Variants in TENM2 observed in about 807,000 individuals in gnomAD.
The protein encoded by TENM2 is teneurin transmembrane protein 2.
TENM2 carries 52 observed loss-of-function variants against 245.2 expected under a neutral mutation model. That is an observed-to-expected ratio of 0.21 (90% CI 0.17 to 0.27). The LOEUF (loss-of-function observed/expected upper bound fraction) is 0.27, where lower values mean the gene tolerates loss of function less well. TENM2 is among the 10% of genes least tolerant of loss of function. The pLI is 1.00. For missense variants in TENM2, 3,046 were observed against 3,666.8 expected (o/e 0.83, Z 4.37); for synonymous variants, 1,363 against 1,438.9 (o/e 0.95, Z 1.19).
rs182270018 is a variant in TENM2, at chr5:168,097,964, G to A, written c.1712-62G>A. On this transcript the variant is annotated intron_variant, in intron 8 of 28. Coordinates refer to ENST00000518659, the Ensembl canonical transcript of TENM2. ...TCTTTAAAAGTGGCAAGTTACTGAC[G>A]GTTAAATTACTGCACCAGTAGACAG... is the stretch of plus-strand genomic sequence containing the variant. 133 of 1,291,162 alleles carry A rather than the reference G, an allele frequency of 1.0e-4. 1 individual carries two copies. The highest frequency in any genetic ancestry group is 5.4e-4 in the Admixed American group (28 of 51,830). The allele number at this position is 1,291,162 out of a possible 1,614,324, so 80.0% of individuals were successfully genotyped here. A position where few individuals can be genotyped will look rare whatever the true frequency, so the allele number is the denominator to read the frequency against.
At chr5:167,120,414 T>C in the TENM2 span, among the ~76,000 whole-genome samples, 1 of 152,158 alleles carries the variant, frequency 6.6e-6, no homozygotes, top group African/African-American at 2.4e-5. Flanking sequence ...GGAATTAATA[T>C]GGAAATTCTT....
At chr5:167,544,701 T>G (rs1772439327) in intron 2 of TENM2, among the ~76,000 whole-genome samples, 1 of 152,228 alleles carries the variant, frequency 6.6e-6, no homozygotes, top group Non-Finnish European at 1.5e-5. Flanking sequence ...AAATGTGTAC[T>G]GGGTGCCCCT....
At chr5:167,934,423 C>T (rs1242699390) in intron 3 of TENM2, among the ~76,000 whole-genome samples, 1 of 152,154 alleles carries the variant, frequency 6.6e-6, no homozygotes, top group Non-Finnish European at 1.5e-5. Context: ...GTTTTGGCTT[C>T]AGACCATACC....
the TENM2 span, among the ~76,000 whole-genome samples, chr5:167,196,534 G>GTGTGTA: frequency 0.015 from 2,244 of 146,168 alleles, 96 homozygotes; most frequent in African/African-American, 0.056. Flanking sequence ...ATATGTGTGT[G>GTGTGTA]TACATATATG....
At chr5:168,238,221 G>GAGAAGAAAAGAAAAGAGAAAAGAA (rs1765718798) in intron 25 of TENM2, among the ~76,000 whole-genome samples, 2 of 24,368 alleles carry the variant, frequency 8.2e-5, no homozygotes, top group Non-Finnish European at 1.6e-4. Flanking sequence ...GAGGGAGAGA[G>GAGAAGAAAAGAAAAGAGAAAAGAA]AAGAAAAGAA....
chr5:167,834,755 T>C (rs544085632), intron 2 of TENM2, among the ~76,000 whole-genome samples: 3 of 151,100 alleles, frequency 2.0e-5, no homozygotes, highest in African/African-American at 7.3e-5. Context: ...GTTCATGCCA[T>C]TCTCCTGCCT....
intron 13 of TENM2, among the ~76,000 whole-genome samples, chr5:168,173,028 T>A (rs1758989975): frequency 6.6e-6 from 1 of 152,124 alleles, no homozygotes; most frequent in Non-Finnish European, 1.5e-5. Context: ...ACCAAACCTT[T>A]CCAAGGTGAT....
intron 1 of TENM2, among the ~76,000 whole-genome samples, chr5:167,293,692 G>A (rs940385990): frequency 7.9e-5 from 12 of 152,140 alleles, no homozygotes. Flanking sequence ...TTAAGTGGAA[G>A]TACATAGATT....
chr5:168,262,551 A>T, exon 29 of TENM2: 1 of 1,558,802 alleles, frequency 6.4e-7, no homozygotes, highest in South Asian at 1.2e-5. Flanking sequence ...GACACCCTGG[A>T]CGAAGAGAAG....
intron 2 of TENM2, among the ~76,000 whole-genome samples, chr5:167,630,218 G>A (rs1440799973): frequency 6.0e-5 from 9 of 150,872 alleles, no homozygotes; most frequent in Non-Finnish European, 8.8e-5. Flanking sequence ...TGGCATATCC[G>A]AATTACCAGC....
chr5:167,312,841 C>A (rs997373018), intron 1 of TENM2, among the ~76,000 whole-genome samples: 1 of 151,362 alleles, frequency 6.6e-6, no homozygotes, highest in African/African-American at 2.4e-5. Flanking sequence ...CCTTCCAGAC[C>A]GGACCCTGGC....
exon 25 of TENM2, chr5:168,228,020 G>A: frequency 6.2e-7 from 1 of 1,613,798 alleles, no homozygotes; most frequent in Non-Finnish European, 8.5e-7. Context: ...CCCCACCATT[G>A]GACGCTGCAA....
chr5:167,896,261 G>T (rs1775211232), intron 3 of TENM2, among the ~76,000 whole-genome samples: 1 of 152,190 alleles, frequency 6.6e-6, no homozygotes, highest in Admixed American at 6.5e-5. Flanking sequence ...AAGTGCAAAG[G>T]CTTGGAGAGA....
At chr5:167,374,216 T>C (rs1233400508) in intron 1 of TENM2, among the ~76,000 whole-genome samples, 3 of 152,234 alleles carry the variant, frequency 2.0e-5, no homozygotes, top group Admixed American at 6.5e-5. Context: ...GTGTATCTTT[T>C]CTATGTTTAA....
intron 21 of TENM2, among the ~76,000 whole-genome samples, chr5:168,216,169 G>T (rs191271631): frequency 1.3e-5 from 2 of 152,288 alleles, no homozygotes; most frequent in Non-Finnish European, 2.9e-5. Context: ...CTGGGGCAAA[G>T]ACACAAAATA....
At chr5:168,139,447 C>T (rs1755343933) in intron 12 of TENM2, 1 of 456,302 alleles carries the variant, frequency 2.2e-6, no homozygotes, top group East Asian at 7.0e-5. Context: ...ACTGCTTGGA[C>T]ATCTCTAAGT....
chr5:167,344,311 T>TAC (rs1032216277), intron 1 of TENM2, among the ~76,000 whole-genome samples: 2 of 64,096 alleles, frequency 3.1e-5, no homozygotes, highest in Admixed American at 1.5e-4. Context: ...CACACACACA[T>TAC]ATATATATAT....
At chr5:168,180,936 A>G (rs1759820768) in intron 13 of TENM2, among the ~76,000 whole-genome samples, 1 of 152,052 alleles carries the variant, frequency 6.6e-6, no homozygotes, top group Non-Finnish European at 1.5e-5. Context: ...CAGGTTCCCA[A>G]TATTTAGTCT....
the TENM2 span, among the ~76,000 whole-genome samples, chr5:167,159,349 T>C: frequency 6.6e-6 from 1 of 152,178 alleles, no homozygotes; most frequent in Non-Finnish European, 1.5e-5. Context: ...AAAGTTTTAT[T>C]TTCACTTTTA....
Sources: gnomAD v4.1 joint callset for allele counts (sites outside exome capture counted in the v4.1 genomes callset) on GRCh38, gnomAD v4.1.1 for gene constraint, MANE v1.5 for transcripts, NCBI Gene and HGNC (gene_info 2026-07-23, HGNC 2026-07-21) for gene names.